Variants in GAB2 observed in about 807,000 individuals in gnomAD.
GAB2 encodes the protein GRB2-associated-binding protein 2.
A neutral mutation model predicts 65.5 loss-of-function variants in GAB2; 26 were observed. The ratio of observed to expected loss-of-function variants is 0.40; its 90% CI spans 0.29 to 0.55. GAB2 has a LOEUF of 0.55. Ranked by LOEUF, GAB2 falls within the 20% of genes least tolerant of loss-of-function variation. The probability of loss-of-function intolerance (pLI) is 0.53; values close to 1 mark genes in which losing one functional copy is unlikely to be tolerated. For missense variants in GAB2, 884 were observed against 875.8 expected (o/e 1.01, Z -0.12); for synonymous variants, 321 against 329.6 (o/e 0.97, Z 0.28).
intron 1 of GAB2, among the ~76,000 whole-genome samples, chr11:78,284,087 T>C (rs1866407645): frequency 6.6e-6 from 1 of 152,164 alleles, no homozygotes; most frequent in Admixed American, 6.5e-5. Context: ...CTGCACTCTC[T>C]CCCATCTCAT....
At chr11:78,250,866 C>T (rs2510055) in intron 2 of GAB2, among the ~76,000 whole-genome samples, 23,713 of 152,038 alleles carry the variant, frequency 0.16, 2,380 homozygotes, top group East Asian at 0.4. Context: ...AACCAAATAC[C>T]CTAATGTTCT....
intron 1 of GAB2, among the ~76,000 whole-genome samples, chr11:78,396,809 C>A (rs1856901116): frequency 6.6e-6 from 1 of 152,176 alleles, no homozygotes; most frequent in African/African-American, 2.4e-5. Context: ...GTTGGTCAGG[C>A]TGCTCTCCAA....
At chr11:78,300,643 G>A (rs1866976277) in intron 1 of GAB2, among the ~76,000 whole-genome samples, 2 of 151,034 alleles carry the variant, frequency 1.3e-5, no homozygotes, top group African/African-American at 4.9e-5. Flanking sequence ...GGCGACTGTA[G>A]GGGATGGGTA....
chr11:78,231,273 CAGAGGCTAT>C (rs1329025509), intron 3 of GAB2, among the ~76,000 whole-genome samples: 1 of 152,058 alleles, frequency 6.6e-6, no homozygotes, highest in Non-Finnish European at 1.5e-5. Flanking sequence ...ATGGCTCTTC[CAGAGGCTAT>C]AGAGGCTATT....
intron 1 of GAB2, among the ~76,000 whole-genome samples, chr11:78,315,882 G>A (rs1219443202): frequency 6.6e-6 from 1 of 152,178 alleles, no homozygotes; most frequent in Non-Finnish European, 1.5e-5. Context: ...TGCCAGAGGA[G>A]GTTGACATTT....
intron 1 of GAB2, among the ~76,000 whole-genome samples, chr11:78,288,544 T>A (rs1866557369): frequency 1.3e-5 from 2 of 152,158 alleles, no homozygotes; most frequent in Admixed American, 1.3e-4. Flanking sequence ...TAACTAGCGA[T>A]GAATATGCAG....
Position 78,220,325 on chromosome 11 carries a change from G to T in GAB2, c.1881C>A (p.His627Gln). The change falls in exon 9 of 10, where the codon CAC becomes CAA. Residue 627 changes from histidine to glutamine, a missense_variant. His to Gln is a conservative substitution (Grantham distance 24, BLOSUM62 0). Coordinates refer to ENST00000361507, the MANE Select transcript of GAB2 (RefSeq NM_080491.3). ...LDFQPSSPSP[H>Q]RKPSTSSVTS... Reference sequence around the variant, plus strand: ...CCAACTCTACTCCAGGCACCTTGCGGTGGGGGCTTGGGGAGCTCGGCTGGA... The same window carrying T: ...CCAACTCTACTCCAGGCACCTTGCGTTGGGGGCTTGGGGAGCTCGGCTGGA... 1 of 1,612,488 alleles carries T rather than the reference G, an allele frequency of 6.2e-7. No individual in the cohort carries two copies. Among genetic ancestry groups the T allele is most frequent in the East Asian group, 2.2e-5 (1 of 44,844 alleles).
At position 78,278,215 on chromosome 11, in the gene GAB2, G is replaced by C. The variant is rs1038103346; in HGVS notation, c.376+2386C>G. On this transcript the variant is annotated intron_variant, in intron 2 of 9. Coordinates refer to ENST00000361507, the MANE Select transcript of GAB2 (RefSeq NM_080491.3). ...CTCCCAAGTAGCTGGGATTACAGGC[G>C]CCCACCACCATGCCTGGTTAATTTT... 8.6e-5 allele frequency among the ~76,000 whole-genome samples: 13 copies of C among 151,728 alleles called. No homozygotes were observed. The South Asian group carries it at 2.7e-3, about 32-fold the overall frequency.
chr11:78,270,590 A>C (rs1160463843), intron 2 of GAB2, among the ~76,000 whole-genome samples: 1 of 152,226 alleles, frequency 6.6e-6, no homozygotes, highest in Admixed American at 6.5e-5. Context: ...CTTTTGCGAT[A>C]GGAATGATAT....
intron 5 of GAB2, among the ~76,000 whole-genome samples, chr11:78,224,276 T>C (rs55782557): frequency 0.039 from 5,971 of 152,202 alleles, 360 homozygotes; most frequent in African/African-American, 0.14. Context: ...GCATAGTCCA[T>C]AGACTGTAGG....
At position 78,223,674 on chromosome 11, in the gene GAB2, T is replaced by C. The variant is rs1277899929; in HGVS notation, c.1305A>G (p.Pro435=). The change falls in exon 6 of 10, where the codon CCA becomes CCG. Residue 435 remains proline (P), a splice_region_variant and synonymous_variant. Coordinates refer to ENST00000361507, the MANE Select transcript of GAB2 (RefSeq NM_080491.3). The stretch of plus-strand genomic sequence containing the variant: ...CCGATCGGCCCACAATCATTTTCCC[T>C]GGCTAGGGAGAGGAACAGTGAAAGA... ...SMSDGVGSFL[P]GKMIVGRSDS... is the part of the protein sequence containing the mutation. 6.3e-7 allele frequency: 1 copy of C among 1,593,988 alleles called. No homozygotes were observed. Among genetic ancestry groups the C allele is most frequent in the East Asian group, 2.2e-5 (1 of 44,448 alleles).
intron 1 of GAB2, among the ~76,000 whole-genome samples, chr11:78,362,694 A>G (rs1856449602): frequency 6.6e-6 from 1 of 152,212 alleles, no homozygotes. Context: ...AGACTAAACA[A>G]AAACATAATC....
chr11:78,225,315 T>G, intron 4 of GAB2, 113 bp from the exon 5 acceptor site: 1 of 659,082 alleles, frequency 1.5e-6, no homozygotes, highest in East Asian at 2.7e-5. Context: ...AAGATACTAC[T>G]CTCAACCCCA....
chr11:78,370,236 G>A (rs1208708980), intron 1 of GAB2, among the ~76,000 whole-genome samples: 3 of 132,640 alleles, frequency 2.3e-5, no homozygotes, highest in Admixed American at 8.0e-5. Flanking sequence ...CAGCCTGGGC[G>A]ACAGAGCGAG....
intron 1 of GAB2, among the ~76,000 whole-genome samples, chr11:78,408,581 A>C (rs1857085189): frequency 6.6e-6 from 1 of 152,226 alleles, no homozygotes; most frequent in Non-Finnish European, 1.5e-5. Flanking sequence ...TAAGACATAA[A>C]TCAGCACAGT....
At chr11:78,228,552 T>C (rs1864753914) in intron 3 of GAB2, among the ~76,000 whole-genome samples, 1 of 152,182 alleles carries the variant, frequency 6.6e-6, no homozygotes, top group South Asian at 2.1e-4. Context: ...AGTTTGTTAT[T>C]TACAGATGTG....
rs138171624 is a variant in GAB2 at position 78,404,630 on chromosome 11, A to G, written c.75+13016T>C. Among the ~76,000 whole-genome samples, 316 of 152,400 alleles carry G rather than the reference A, an allele frequency of 2.1e-3. 1 individual carries two copies. The highest frequency in any genetic ancestry group is 7.0e-3 in the African/African-American group (291 of 41,604). Reference sequence around the variant, plus strand: ...GGCAACACGGTTGGTACTGGAGGACATTATGTTAAGCAAAATAAGCCAGGA... The same window carrying G: ...GGCAACACGGTTGGTACTGGAGGACGTTATGTTAAGCAAAATAAGCCAGGA... On this transcript the variant is annotated intron_variant, in intron 1 of 9. Transcript: ENST00000361507.
At chr11:78,275,613 G>A (rs1233452906) in intron 2 of GAB2, among the ~76,000 whole-genome samples, 1 of 152,106 alleles carries the variant, frequency 6.6e-6, no homozygotes, top group African/African-American at 2.4e-5. Context: ...TCAACAGAAG[G>A]ATCTCACAAA....
intron 1 of GAB2, among the ~76,000 whole-genome samples, chr11:78,394,458 C>T (rs981971717): frequency 6.6e-6 from 1 of 152,138 alleles, no homozygotes; most frequent in Non-Finnish European, 1.5e-5. Context: ...TGGGGTGGTC[C>T]TCTCCCTACC....
Sources: gnomAD v4.1 joint callset for allele counts (sites outside exome capture counted in the v4.1 genomes callset) on GRCh38, gnomAD v4.1.1 for gene constraint, MANE v1.5 for transcripts, NCBI Gene and HGNC (gene_info 2026-07-23, HGNC 2026-07-21) for gene names.